The following SH3PXD2A variants were observed in gnomAD, a reference collection of about 807,000 sequenced individuals.
The protein encoded by SH3PXD2A is SH3 and PX domains 2A.
A neutral mutation model predicts 115.2 loss-of-function variants in SH3PXD2A; 32 were observed. That is an observed-to-expected ratio of 0.28 (90% confidence interval 0.21 to 0.37). The LOEUF is 0.37. Ranked by LOEUF, SH3PXD2A falls within the 10% of genes least tolerant of loss-of-function variation. SH3PXD2A has a pLI of 1.00. For synonymous variants in SH3PXD2A, 610 were observed against 629.1 expected (o/e 0.97, Z 0.45); for missense variants, 1,328 against 1,498.7 (o/e 0.89, Z 1.88).
intron 6 of SH3PXD2A, among the ~76,000 whole-genome samples, chr10:103,681,631 C>T (rs879118249): frequency 1.3e-5 from 2 of 152,176 alleles, no homozygotes; most frequent in Middle Eastern, 3.2e-3. Flanking sequence ...GTAGTCCCAG[C>T]TACTCAGGAG....
intron 8 of SH3PXD2A, among the ~76,000 whole-genome samples, chr10:103,656,828 C>CA (rs10692439): frequency 0.21 from 23,393 of 111,784 alleles, 3,852 homozygotes; most frequent in African/African-American, 0.44. Flanking sequence ...AACTCCATCT[C>CA]AAAAAAAAAA....
Position 103,602,699 on chromosome 10 carries a change from C to G in SH3PXD2A, c.2519G>C (p.Gly840Ala), listed in dbSNP as rs1249869892. The G allele has an allele frequency of 5.6e-6, 9 of 1,614,152 alleles. No individual in the cohort carries two copies. The highest frequency in any genetic ancestry group is 7.6e-6 in the Non-Finnish European group (9 of 1,180,024). ...PPCPTKKEWE[G>A]PATSYMTCSA... ...GCATGTCATGTACGAGGTGGCTGGC[C>G]CTTCCCATTCCTTCTTGGTGGGACA... The change falls in exon 15 of 15, where the codon GGG becomes GCG. Residue 840 changes from glycine to alanine, a missense_variant. Coordinates refer to ENST00000369774, the MANE Select transcript of SH3PXD2A (RefSeq NM_001394015.1).
intron 7 of SH3PXD2A, among the ~76,000 whole-genome samples, chr10:103,664,578 G>A (rs1449405431): frequency 6.6e-6 from 1 of 152,068 alleles, no homozygotes; most frequent in Non-Finnish European, 1.5e-5. Context: ...GGCCACCGGC[G>A]CCTGGTCCCT....
intron 2 of SH3PXD2A, among the ~76,000 whole-genome samples, chr10:103,767,730 C>T (rs1248851247): frequency 1.3e-5 from 2 of 149,528 alleles, no homozygotes; most frequent in Non-Finnish European, 2.9e-5. Context: ...TTCCTACCTT[C>T]CCACCCTGAG....
At chr10:103,722,962 G>A (rs964687888) in intron 5 of SH3PXD2A, among the ~76,000 whole-genome samples, 1 of 152,204 alleles carries the variant, frequency 6.6e-6, no homozygotes, top group Non-Finnish European at 1.5e-5. Flanking sequence ...GGCTATTTCA[G>A]GCTATTAGTC....
At chr10:103,776,425 CGTGTGTGTGTCTGTGT>C (rs1236442017) in intron 2 of SH3PXD2A, among the ~76,000 whole-genome samples, 4 of 112,102 alleles carry the variant, frequency 3.6e-5, no homozygotes, top group Non-Finnish European at 5.4e-5. Context: ...TGTGTGCATG[CGTGTGTGTGTCTGTGT>C]GTGTGTGTGT....
chr10:103,756,270 G>A lies in SH3PXD2A; in HGVS notation c.229+10824C>T, dbSNP rs971777490. On this transcript the variant is annotated intron_variant, in intron 3 of 14. Coordinates refer to ENST00000369774, the MANE Select transcript of SH3PXD2A (RefSeq NM_001394015.1). The surrounding 1 kb of genome is among the most constrained non-coding windows in gnomAD (Gnocchi z 4.4). ...AGCCAGCTCAGTCCCTGCCAGAGAA[G>A]AGCTCTGGCTTGGGGCTTTGTCCTT... Among the ~76,000 whole-genome samples the A allele has an allele frequency of 6.6e-6, 1 of 152,192 alleles. No individual in the cohort carries two copies. Among genetic ancestry groups the A allele is most frequent in the Non-Finnish European group, 1.5e-5 (1 of 68,034 alleles).
intron 2 of SH3PXD2A, among the ~76,000 whole-genome samples, chr10:103,780,092 G>A (rs1449134250): frequency 6.6e-6 from 1 of 152,234 alleles, no homozygotes; most frequent in African/African-American, 2.4e-5. Flanking sequence ...ATCAAATTCA[G>A]ACTGAAATCT....
At position 103,660,833 on chromosome 10, in the gene SH3PXD2A, AG is replaced by A. The variant is rs1232859537; in HGVS notation, c.604+149del. Reference sequence around the variant, plus strand: ...CTGCTGGCCTGCAGCCCAAACCAACAGGGGGAAACTTCAGCCGCCTCGGCCC... The same window carrying A: ...CTGCTGGCCTGCAGCCCAAACCAACAGGGGAAACTTCAGCCGCCTCGGCCC... On this transcript the variant is annotated intron_variant, in intron 8 of 14. Transcript: ENST00000369774. 2.1e-5 allele frequency: 17 copies of A among 819,558 alleles called. No individual in the cohort carries two copies. In the South Asian group the frequency reaches 2.7e-4, roughly 13 times the overall value. The allele number at this position is 819,558 out of a possible 1,614,324, so 50.8% of individuals were successfully genotyped here. A position where few individuals can be genotyped will look rare whatever the true frequency, so the allele number is the denominator to read the frequency against.
chr10:103,628,311 A>G (rs1039708628), intron 8 of SH3PXD2A, among the ~76,000 whole-genome samples: 1 of 152,164 alleles, frequency 6.6e-6, no homozygotes, highest in Admixed American at 6.5e-5. Flanking sequence ...CTGGGCTTGC[A>G]AACAGCCAGC....
intron 10 of SH3PXD2A, among the ~76,000 whole-genome samples, chr10:103,617,967 G>A (rs2036544878): frequency 6.6e-6 from 1 of 152,220 alleles, no homozygotes; most frequent in Admixed American, 6.5e-5. Flanking sequence ...GTTTTGTTAA[G>A]ACAAGGGTTC....
intron 3 of SH3PXD2A, among the ~76,000 whole-genome samples, chr10:103,747,249 C>T (rs78042568): frequency 0.024 from 3,596 of 152,288 alleles, 144 homozygotes; most frequent in African/African-American, 0.081. Flanking sequence ...GTGGATTCAC[C>T]CTCCAGGACG....
rs1035425748 is a variant in SH3PXD2A, at chr10:103,725,655, C to T, written c.307-1294G>A. On this transcript the variant is annotated intron_variant, in intron 4 of 14. Coordinates refer to ENST00000369774, the MANE Select transcript of SH3PXD2A (RefSeq NM_001394015.1). ...CAGCCTGGCCAACATGGAGAAACCC[C>T]GTCTCTACGAAAAATACAAAAATTA... 2.6e-5 allele frequency among the ~76,000 whole-genome samples: 4 copies of T among 152,002 alleles called. No individual in the cohort carries two copies. In the East Asian group the frequency reaches 5.8e-4, roughly 22 times the overall value.
chr10:103,722,600 C>CA (rs2038195384), intron 5 of SH3PXD2A, among the ~76,000 whole-genome samples: 1 of 137,046 alleles, frequency 7.3e-6, no homozygotes, highest in Middle Eastern at 3.5e-3. Context: ...ATATGCCTAG[C>CA]TTTTTTTTTT....
intron 2 of SH3PXD2A, among the ~76,000 whole-genome samples, chr10:103,783,462 C>G (rs1177936223): frequency 6.7e-6 from 1 of 149,982 alleles, no homozygotes; most frequent in Non-Finnish European, 1.5e-5. Flanking sequence ...GGGGCAGAGT[C>G]TGAGAAGATG....
At chr10:103,836,202 C>T (rs2039538163) in intron 1 of SH3PXD2A, among the ~76,000 whole-genome samples, 1 of 152,106 alleles carries the variant, frequency 6.6e-6, no homozygotes, top group African/African-American at 2.4e-5. Context: ...TCTATGAGAC[C>T]CTTTTATACT....
At chr10:103,645,405 T>A (rs371526675) in intron 8 of SH3PXD2A, among the ~76,000 whole-genome samples, 2 of 152,312 alleles carry the variant, frequency 1.3e-5, no homozygotes, top group East Asian at 3.9e-4. Flanking sequence ...ACAGCAAGCA[T>A]CTCTAGCTTA....
intron 5 of SH3PXD2A, among the ~76,000 whole-genome samples, chr10:103,701,900 T>C (rs1248148712): frequency 6.7e-6 from 1 of 149,856 alleles, no homozygotes; most frequent in African/African-American, 2.5e-5. Flanking sequence ...CCATCCACCA[T>C]CCAGCCATCT....
intron 2 of SH3PXD2A, among the ~76,000 whole-genome samples, chr10:103,798,171 AG>A: frequency 6.6e-6 from 1 of 152,236 alleles, no homozygotes; most frequent in East Asian, 1.9e-4. Flanking sequence ...CAACTTGTAC[AG>A]GGGGGAACCA....
Sources: allele counts gnomAD v4.1 joint callset (sites outside exome capture counted in the v4.1 genomes callset), GRCh38; gene constraint gnomAD v4.1.1; non-coding constraint Gnocchi (gnomAD v3.1); transcripts MANE v1.5; gene names NCBI Gene and HGNC (gene_info 2026-07-23, HGNC 2026-07-21).